SCHIP1: variants seen among roughly 807,000 people sequenced by gnomAD.
SCHIP1 encodes schwannomin-interacting protein 1.
A neutral mutation model predicts 29.7 loss-of-function variants in SCHIP1; 8 were observed. That is an observed-to-expected ratio of 0.27 (90% CI 0.16 to 0.49). The LOEUF (loss-of-function observed/expected upper bound fraction) is 0.49. Ranked by LOEUF, SCHIP1 falls within the 20% of genes least tolerant of loss-of-function variation. The pLI, the probability that SCHIP1 is intolerant of heterozygous loss-of-function variation, is 0.99. For missense variants in SCHIP1, 193 were observed against 294.6 expected, an observed-to-expected ratio of 0.66 and a Z score of 2.52; for synonymous variants, 76 against 94.9, an observed-to-expected ratio of 0.80 and a Z score of 1.16.
At chr3:159,706,811 C>T in the SCHIP1 span, among the ~76,000 whole-genome samples, 1 of 152,118 alleles carries the variant, frequency 6.6e-6, no homozygotes, top group Non-Finnish European at 1.5e-5. Flanking sequence ...TAAAATGGTG[C>T]TAAAGGACCT....
chr3:159,409,731 T>C, the SCHIP1 span, among the ~76,000 whole-genome samples: 3 of 152,186 alleles, frequency 2.0e-5, no homozygotes, highest in Admixed American at 2.0e-4. Context: ...ACAGATTCAG[T>C]GCCACCTCTA....
At chr3:159,534,146 A>T in the SCHIP1 span, among the ~76,000 whole-genome samples, 1 of 152,196 alleles carries the variant, frequency 6.6e-6, no homozygotes, top group Admixed American at 6.5e-5. Context: ...TATCCTTTTA[A>T]TACTTGACCT....
chr3:159,764,281 C>T, the SCHIP1 span: 3 of 743,046 alleles, frequency 4.0e-6, no homozygotes, highest in South Asian at 8.0e-5. The surrounding 1 kb of genome is among the most constrained non-coding windows in gnomAD (Gnocchi z 6.1). Flanking sequence ...AGGAGGGAAG[C>T]CTCAGGCTGG....
At chr3:159,606,564 T>G in the SCHIP1 span, among the ~76,000 whole-genome samples, 3 of 152,120 alleles carry the variant, frequency 2.0e-5, no homozygotes, top group Non-Finnish European at 4.4e-5. Context: ...GAAATTTTAG[T>G]GAAGGGGCTA....
the SCHIP1 span, among the ~76,000 whole-genome samples, chr3:159,618,457 T>C: frequency 1.5e-4 from 23 of 152,216 alleles, no homozygotes; most frequent in Non-Finnish European, 3.1e-4. Context: ...AAAACATATG[T>C]ATGTACACAT....
the SCHIP1 span, among the ~76,000 whole-genome samples, chr3:159,341,900 T>A: frequency 6.6e-6 from 1 of 152,302 alleles, no homozygotes; most frequent in Non-Finnish European, 1.5e-5. Context: ...TTTAAAATAT[T>A]TATATAAACA....
intron 1 of SCHIP1, chr3:159,845,758 C>T (rs1360841399): frequency 1.3e-5 from 2 of 152,166 alleles, no homozygotes; most frequent in African/African-American, 2.4e-5. Flanking sequence ...AGTATGTGTT[C>T]AATAAATGTT....
the SCHIP1 span, among the ~76,000 whole-genome samples, chr3:159,475,413 G>A: frequency 6.6e-6 from 1 of 152,112 alleles, no homozygotes; most frequent in African/African-American, 2.4e-5. Context: ...GGTTGCCAGG[G>A]GCTGGAGAAA....
At chr3:159,388,823 A>G in the SCHIP1 span, among the ~76,000 whole-genome samples, 5 of 152,180 alleles carry the variant, frequency 3.3e-5, no homozygotes, top group Non-Finnish European at 7.4e-5. Flanking sequence ...ACTATTTCAT[A>G]AAGTATCTTG....
the SCHIP1 span, among the ~76,000 whole-genome samples, chr3:159,630,583 T>G: frequency 6.6e-6 from 1 of 152,226 alleles, no homozygotes; most frequent in East Asian, 1.9e-4. Context: ...AACTCAGGAA[T>G]GGAAAACCAA....
the SCHIP1 span, among the ~76,000 whole-genome samples, chr3:159,687,137 C>T: frequency 6.6e-6 from 1 of 152,126 alleles, no homozygotes. Flanking sequence ...GGAGGTGCAG[C>T]ATGGACTGCC....
chr3:159,851,431 C>T (rs1020130024), intron 1 of SCHIP1, among the ~76,000 whole-genome samples: 3 of 152,162 alleles, frequency 2.0e-5, no homozygotes, highest in African/African-American at 7.2e-5. Flanking sequence ...TGAGCTCTTT[C>T]ATTTTGCTGT....
the SCHIP1 span, among the ~76,000 whole-genome samples, chr3:159,704,713 A>G: frequency 3.3e-5 from 5 of 152,194 alleles, no homozygotes; most frequent in Admixed American, 2.0e-4. Flanking sequence ...GAAAACCTCC[A>G]TTCAAAAGTG....
chr3:159,288,308 A>G, the SCHIP1 span, among the ~76,000 whole-genome samples: 1 of 152,222 alleles, frequency 6.6e-6, no homozygotes, highest in African/African-American at 2.4e-5. Context: ...ATTTAAAACG[A>G]TGCCTAGCTA....
At chr3:159,594,299 T>C in the SCHIP1 span, among the ~76,000 whole-genome samples, 2 of 152,234 alleles carry the variant, frequency 1.3e-5, no homozygotes, top group Non-Finnish European at 2.9e-5. Flanking sequence ...TAATTTTTCT[T>C]GAGCAAATGT....
the SCHIP1 span, among the ~76,000 whole-genome samples, chr3:159,524,963 A>G: frequency 3.3e-5 from 5 of 152,148 alleles, no homozygotes; most frequent in Non-Finnish European, 5.9e-5. Flanking sequence ...GATGAGTGAC[A>G]TGGCCTCCTG....
chr3:159,816,820 GT>G, the SCHIP1 span, among the ~76,000 whole-genome samples: 2 of 152,078 alleles, frequency 1.3e-5, no homozygotes, highest in African/African-American at 4.8e-5. Context: ...CCATGCCTTT[GT>G]TTTTGTGGTA....
At chr3:159,667,373 G>A in the SCHIP1 span, among the ~76,000 whole-genome samples, 1 of 152,196 alleles carries the variant, frequency 6.6e-6, no homozygotes, top group Non-Finnish European at 1.5e-5. Flanking sequence ...ACCAGTGGGT[G>A]ACATGGAAAA....
the SCHIP1 span, among the ~76,000 whole-genome samples, chr3:159,543,331 G>A: frequency 6.9e-6 from 1 of 145,132 alleles, no homozygotes; most frequent in East Asian, 2.1e-4. Context: ...TTAGCATTAG[G>A]TATATCTCCT....
Sources: allele counts gnomAD v4.1 joint callset (sites outside exome capture counted in the v4.1 genomes callset), GRCh38; gene constraint gnomAD v4.1.1; non-coding constraint Gnocchi (gnomAD v3.1); transcripts MANE v1.5; gene names NCBI Gene and HGNC (gene_info 2026-07-23, HGNC 2026-07-21).